Variants in STIMATE observed in about 807,000 individuals in gnomAD.
STIMATE encodes store-operated calcium entry regulator STIMATE.
A neutral mutation model predicts 36.7 loss-of-function variants in STIMATE; 15 were observed. That is an observed-to-expected ratio of 0.41 (90% confidence interval 0.27 to 0.63). The LOEUF is 0.63. Ranked by LOEUF, STIMATE falls within the 20% of genes least tolerant of loss-of-function variation. The pLI is 0.32. For missense variants in STIMATE, 305 were observed against 397.3 expected (o/e 0.77, Z 1.98); for synonymous variants, 163 against 162.3 (o/e 1.00, Z -0.03).
chr3:52,844,680 G>T (rs1700863013), intron 5 of STIMATE, 149 bp downstream of exon 5: 2 of 744,024 alleles, frequency 2.7e-6, no homozygotes, highest in East Asian at 2.8e-5. Context: ...AAGCTCTTTG[G>T]AGTAGTTGCC....
intron 1 of STIMATE, among the ~76,000 whole-genome samples, chr3:52,878,016 C>T (rs890602333): frequency 2.0e-5 from 3 of 151,800 alleles, no homozygotes; most frequent in African/African-American, 7.3e-5. Context: ...ATAGCATGAA[C>T]CCGGGAGGTG....
intron 1 of STIMATE, 64 bp downstream of exon 1, chr3:52,897,227 C>G: frequency 6.6e-7 from 1 of 1,512,996 alleles, no homozygotes; most frequent in East Asian, 2.5e-5. Flanking sequence ...GGAGGGGCCC[C>G]CAGGGGGGCC....
chr3:52,844,990 T>C (rs774586636), intron 4 of STIMATE, 49 bp from the exon 5 acceptor site: 2 of 1,593,750 alleles, frequency 1.3e-6, no homozygotes, highest in South Asian at 1.1e-5. Flanking sequence ...GGCATCTGAG[T>C]GAGATGATGT....
At chr3:52,867,953 G>T (rs915666593) in intron 1 of STIMATE, among the ~76,000 whole-genome samples, 1 of 152,172 alleles carries the variant, frequency 6.6e-6, no homozygotes, top group Non-Finnish European at 1.5e-5. Context: ...GTCCTATGGA[G>T]CCCAGGCCCC....
At chr3:52,894,130 C>T (rs979691569) in intron 1 of STIMATE, among the ~76,000 whole-genome samples, 2 of 152,172 alleles carry the variant, frequency 1.3e-5, no homozygotes, top group African/African-American at 4.8e-5. Flanking sequence ...AAAGCCCCCT[C>T]GTTTAAAGCG....
chr3:52,883,278 A>G (rs1348989004), intron 1 of STIMATE, among the ~76,000 whole-genome samples: 1 of 152,250 alleles, frequency 6.6e-6, no homozygotes, highest in Admixed American at 6.5e-5. Context: ...CATTGTCTTC[A>G]GGCTTGAATA....
At chr3:52,876,707 CATT>C (rs1202006059) in intron 1 of STIMATE, among the ~76,000 whole-genome samples, 1 of 152,144 alleles carries the variant, frequency 6.6e-6, no homozygotes, top group Non-Finnish European at 1.5e-5. Context: ...TTCTTAATAA[CATT>C]TTTTCTCATT....
intron 2 of STIMATE, among the ~76,000 whole-genome samples, chr3:52,854,405 A>T (rs981142907): frequency 6.6e-6 from 1 of 152,240 alleles, no homozygotes; most frequent in Non-Finnish European, 1.5e-5. Context: ...GACTGAGTTA[A>T]CAATCAATCA....
At chr3:52,851,522 A>T (rs1559490957) in intron 3 of STIMATE, among the ~76,000 whole-genome samples, 1 of 152,234 alleles carries the variant, frequency 6.6e-6, no homozygotes, top group Non-Finnish European at 1.5e-5. Context: ...AAAACCAGTG[A>T]AAAGAGGGAG....
chr3:52,859,592 T>C (rs950614911), intron 1 of STIMATE, among the ~76,000 whole-genome samples: 2 of 126,166 alleles, frequency 1.6e-5, no homozygotes, highest in African/African-American at 5.8e-5. Flanking sequence ...CCCAGCTACT[T>C]GGGAGACTGA....
At chr3:52,868,439 C>T (rs4687561) in intron 1 of STIMATE, among the ~76,000 whole-genome samples, 145,281 of 152,262 alleles carry the variant, frequency 0.95, 69,681 homozygotes, top group Middle Eastern at 1. Flanking sequence ...AAGTCAGGAA[C>T]AGCTTGAAAT....
At chr3:52,848,779 C>T (rs1319201067) in intron 4 of STIMATE, among the ~76,000 whole-genome samples, 3 of 152,286 alleles carry the variant, frequency 2.0e-5, no homozygotes, top group East Asian at 1.9e-4. Context: ...CTCAATGACT[C>T]GCAGCTTCTC....
intron 1 of STIMATE, among the ~76,000 whole-genome samples, chr3:52,882,850 C>T (rs988877878): frequency 6.6e-6 from 1 of 152,066 alleles, no homozygotes; most frequent in African/African-American, 2.4e-5. Context: ...TAAGAGTCGG[C>T]CACAGCAGTG....
intron 7 of STIMATE, among the ~76,000 whole-genome samples, chr3:52,841,098 C>T (rs1241412779): frequency 1.3e-5 from 2 of 152,220 alleles, no homozygotes; most frequent in Admixed American, 1.3e-4. Context: ...ACTCCAAGGA[C>T]ACTCATGGGC....
chr3:52,856,850 GAA>G (rs1421654031), intron 1 of STIMATE, among the ~76,000 whole-genome samples: 3 of 152,220 alleles, frequency 2.0e-5, no homozygotes, highest in Non-Finnish European at 4.4e-5. Flanking sequence ...AAGAGGAAAT[GAA>G]AAGTTTTGAA....
chr3:52,840,788 C>T (rs1401513842), intron 7 of STIMATE, among the ~76,000 whole-genome samples, 178 bp from the exon 8 acceptor site: 1 of 151,832 alleles, frequency 6.6e-6, no homozygotes, highest in African/African-American at 2.4e-5. Context: ...CAACCTCTGC[C>T]TCCTGGGTTC....
chr3:52,860,350 G>C (rs555033491), intron 1 of STIMATE, among the ~76,000 whole-genome samples: 2 of 152,086 alleles, frequency 1.3e-5, no homozygotes, highest in African/African-American at 4.8e-5. Context: ...CGTGGGGTCT[G>C]AACTGTCAAT....
At chr3:52,880,322 A>T (rs1701581834) in intron 1 of STIMATE, among the ~76,000 whole-genome samples, 1 of 152,270 alleles carries the variant, frequency 6.6e-6, no homozygotes, top group South Asian at 2.1e-4. Flanking sequence ...GAGGGACCAG[A>T]TGTGGGTGGG....
chr3:52,854,591 A>G (rs1701062291), intron 2 of STIMATE, among the ~76,000 whole-genome samples: 1 of 152,194 alleles, frequency 6.6e-6, no homozygotes, highest in African/African-American at 2.4e-5. Flanking sequence ...TGTCCTTTAT[A>G]ATAAATCAGT....
Sources: allele counts gnomAD v4.1 joint callset (sites outside exome capture counted in the v4.1 genomes callset), GRCh38; gene constraint gnomAD v4.1.1; transcripts MANE v1.5; gene names NCBI Gene and HGNC (gene_info 2026-07-23, HGNC 2026-07-21).